ADAMTS18: variants seen among roughly 807,000 people sequenced by gnomAD.
ADAMTS18 encodes ADAM metallopeptidase with thrombospondin type 1 motif 18.
ADAMTS18 carries 157 observed loss-of-function variants against 165.9 expected under a neutral mutation model. The ratio of observed to expected loss-of-function variants is 0.95; its 90% confidence interval spans 0.83 to 1.08. The LOEUF is 1.08. Ranked by LOEUF, ADAMTS18 falls within the 50% of genes least tolerant of loss-of-function variation. The pLI, the probability that ADAMTS18 is intolerant of heterozygous loss-of-function variation, is 0.00. For missense variants in ADAMTS18, 2,040 were observed against 1,534.0 expected (o/e 1.33, Z -5.51); for synonymous variants, 782 against 578.2 (o/e 1.35, Z -5.06).
rs201434101 is a variant in ADAMTS18 at position 77,305,013 on chromosome 16, G to C, written c.2533-4609C>G. ...AGTTCAATGTGTTATCATGTAGACC[G>C]AAAGACAATATTTGTACAAACCAGC... On this transcript the variant is annotated intron_variant, in intron 16 of 22. Coordinates refer to ENST00000282849, the MANE Select transcript of ADAMTS18 (RefSeq NM_199355.4). Among the ~76,000 whole-genome samples, 8 of 152,238 alleles carry C rather than the reference G, an allele frequency of 5.3e-5. No homozygotes were observed. The South Asian group carries it at 1.7e-3, about 32-fold the overall frequency.
chr16:77,365,630 C>T (rs1200852088), intron 4 of ADAMTS18, among the ~76,000 whole-genome samples: 1 of 152,162 alleles, frequency 6.6e-6, no homozygotes, highest in African/African-American at 2.4e-5. Context: ...AGTGCCTGCT[C>T]GGCCAGACAT....
chr16:77,419,995 C>G (rs943641445), intron 3 of ADAMTS18, among the ~76,000 whole-genome samples: 1 of 102,896 alleles, frequency 9.7e-6, no homozygotes, highest in African/African-American at 3.8e-5. Flanking sequence ...GAGACTCTGT[C>G]GCAGATTAAA....
intron 11 of ADAMTS18, among the ~76,000 whole-genome samples, chr16:77,336,394 G>A (rs1158802538): frequency 6.6e-6 from 1 of 152,160 alleles, no homozygotes; most frequent in African/African-American, 2.4e-5. Context: ...TTATCATTCT[G>A]AATGATTATC....
intron 16 of ADAMTS18, among the ~76,000 whole-genome samples, chr16:77,314,753 CATATAT>C (rs36191323): frequency 0.022 from 821 of 36,918 alleles, 161 homozygotes; most frequent in East Asian, 0.14. Flanking sequence ...TCTCAGGTTT[CATATAT>C]ATATATATAT....
At chr16:77,383,700 G>T (rs1036819439) in intron 3 of ADAMTS18, among the ~76,000 whole-genome samples, 2 of 152,090 alleles carry the variant, frequency 1.3e-5, no homozygotes, top group South Asian at 4.2e-4. Flanking sequence ...CCACCACCAC[G>T]CCTGGCTAAT....
chr16:77,306,681 C>G (rs967939482), intron 16 of ADAMTS18, among the ~76,000 whole-genome samples: 1 of 152,084 alleles, frequency 6.6e-6, no homozygotes, highest in African/African-American at 2.4e-5. Flanking sequence ...ATAATGTATT[C>G]GATTGCTTTA....
intron 3 of ADAMTS18, among the ~76,000 whole-genome samples, chr16:77,420,116 G>C (rs2057583146): frequency 6.8e-6 from 1 of 147,058 alleles, no homozygotes; most frequent in East Asian, 2.0e-4. Flanking sequence ...TTACAGACGA[G>C]CAAACTAGAT....
In ADAMTS18 at chr16:77,362,127, C is replaced by T. The variant is rs1247452960; in HGVS notation, c.1194G>A (p.Lys398=). 6.2e-7 allele frequency: 1 copy of T among 1,613,962 alleles called. No individual in the cohort carries two copies. The highest frequency in any genetic ancestry group is 1.3e-5 in the African/African-American group (1 of 74,936). The change falls in exon 7 of 23, where the codon AAG becomes AAA. Residue 398 remains lysine (K), a synonymous_variant. Transcript: ENST00000282849. ...LLTGFDICSW[K]NEPCDTLGFA... Reference sequence around the variant, plus strand: ...TACCTAGAGTGTCACATGGTTCATTCTTCCAAGAACAAATATCAAATCCTG... The same window carrying T: ...TACCTAGAGTGTCACATGGTTCATTTTTCCAAGAACAAATATCAAATCCTG...
intron 3 of ADAMTS18, among the ~76,000 whole-genome samples, chr16:77,414,009 T>C (rs1676622813): frequency 1.3e-5 from 2 of 152,202 alleles, no homozygotes; most frequent in Non-Finnish European, 2.9e-5. Context: ...TACATAGAAA[T>C]ATGATGACAT....
intron 4 of ADAMTS18, 52 bp downstream of exon 4, chr16:77,367,389 A>G: frequency 6.2e-7 from 1 of 1,611,190 alleles, no homozygotes; most frequent in Non-Finnish European, 8.5e-7. Context: ...CACTCAGGAA[A>G]ACCTGTCGAG....
At position 77,341,707 on chromosome 16, in the gene ADAMTS18, A is replaced by T. The variant is rs1448953213; in HGVS notation, c.1707T>A (p.Ser569Arg). The change falls in exon 11 of 23, where the codon AGT becomes AGA. Residue 569 changes from serine (S) to arginine (R), a missense_variant. Coordinates refer to ENST00000282849, the MANE Select transcript of ADAMTS18 (RefSeq NM_199355.4). ...PAAEGTVCGL[S>R]MWCRQGQCVK... ...AACTAACAAGTATGCAGTTTACCAT[A>T]CTCAAGCCACAAACGGTCCCTTCTG... is the stretch of plus-strand genomic sequence containing the variant. The T allele has an allele frequency of 6.2e-7, 1 of 1,612,974 alleles. No individual in the cohort carries two copies. The highest frequency in any genetic ancestry group is 8.5e-7 in the Non-Finnish European group (1 of 1,179,406).
At chr16:77,356,876 C>T (rs111341172) in intron 8 of ADAMTS18, among the ~76,000 whole-genome samples, 10,234 of 151,832 alleles carry the variant, frequency 0.067, 792 homozygotes, top group African/African-American at 0.19. Context: ...AGGATACATA[C>T]CATAAAGACA....
At chr16:77,403,007 T>C (rs982442003) in intron 3 of ADAMTS18, among the ~76,000 whole-genome samples, 1 of 152,154 alleles carries the variant, frequency 6.6e-6, no homozygotes, top group African/African-American at 2.4e-5. Context: ...TACCATAAAT[T>C]ACAACAAACA....
At chr16:77,290,944 G>C (rs879697119) in intron 21 of ADAMTS18, 5 of 410,578 alleles carry the variant, frequency 1.2e-5, no homozygotes, top group African/African-American at 4.1e-5. Context: ...AGAAAGACTC[G>C]AGTGGTAGTT....
chr16:77,292,416 T>C lies in ADAMTS18; in HGVS notation c.3189+660A>G, dbSNP rs2055381277. 2.0e-5 allele frequency among the ~76,000 whole-genome samples: 3 copies of C among 152,186 alleles called. No individual in the cohort carries two copies. In the South Asian group the frequency reaches 6.2e-4, roughly 31 times the overall value. On this transcript the variant is annotated intron_variant, in intron 20 of 22. Transcript: ENST00000282849. Reference sequence around the variant, plus strand: ...TTACTAAATGTGCAGTCCCCTGTCATCACTCCTGTGTAGAGGCTGCACCCT... The same window carrying C: ...TTACTAAATGTGCAGTCCCCTGTCACCACTCCTGTGTAGAGGCTGCACCCT...
intron 16 of ADAMTS18, among the ~76,000 whole-genome samples, chr16:77,315,119 C>G (rs2055863698): frequency 6.6e-6 from 1 of 152,000 alleles, no homozygotes; most frequent in African/African-American, 2.4e-5. Context: ...AATCACTACT[C>G]TTGGAGACTA....
chr16:77,348,859 A>G (rs1209769920), intron 10 of ADAMTS18, among the ~76,000 whole-genome samples: 1 of 152,200 alleles, frequency 6.6e-6, no homozygotes, highest in African/African-American at 2.4e-5. Flanking sequence ...TAACACTTGA[A>G]TTGAATCTTT....
chr16:77,318,603 A>T (rs761387203), intron 16 of ADAMTS18, among the ~76,000 whole-genome samples: 4 of 152,230 alleles, frequency 2.6e-5, no homozygotes, highest in Non-Finnish European at 4.4e-5. Context: ...AACGATAATA[A>T]TAATAACAGT....
intron 10 of ADAMTS18, among the ~76,000 whole-genome samples, chr16:77,351,866 T>A (rs1268141187): frequency 6.6e-6 from 1 of 152,124 alleles, no homozygotes; most frequent in Non-Finnish European, 1.5e-5. Context: ...TCCCTAGTAG[T>A]TGGAACTACA....
Sources: allele counts gnomAD v4.1 joint callset (sites outside exome capture counted in the v4.1 genomes callset), GRCh38; gene constraint gnomAD v4.1.1; transcripts MANE v1.5; gene names NCBI Gene and HGNC (gene_info 2026-07-23, HGNC 2026-07-21).